Variants in AP1G1 observed in about 807,000 individuals in gnomAD.
AP1G1 encodes AP-1 complex subunit gamma-1.
In AP1G1, 7 loss-of-function variants were observed where a neutral mutation model predicts 108.3. That is an observed-to-expected ratio of 0.06 (90% CI 0.04 to 0.12). AP1G1 has a LOEUF of 0.12. Ranked by LOEUF, AP1G1 falls within the 10% of genes least tolerant of loss-of-function variation. The probability of loss-of-function intolerance (pLI) is 1.00; values close to 1 mark genes in which losing one functional copy is unlikely to be tolerated. For synonymous variants in AP1G1, 379 were observed against 353.5 expected (o/e 1.07, Z -0.81); for missense variants, 756 against 1,010.7 (o/e 0.75, Z 3.42).
At chr16:71,793,182 C>G (rs942216320) in intron 1 of AP1G1, among the ~76,000 whole-genome samples, 8 of 152,064 alleles carry the variant, frequency 5.3e-5, no homozygotes, top group African/African-American at 1.9e-4. Flanking sequence ...ACAGAAAAAG[C>G]AAACAAACAA....
At chr16:71,747,773 G>C (rs2030260912) in intron 16 of AP1G1, among the ~76,000 whole-genome samples, 1 of 151,984 alleles carries the variant, frequency 6.6e-6, no homozygotes, top group Non-Finnish European at 1.5e-5. Flanking sequence ...CTTGAGCCCA[G>C]GAGTTTGAGA....
chr16:71,779,752 T>C (rs1014394527), intron 2 of AP1G1, among the ~76,000 whole-genome samples: 15 of 152,160 alleles, frequency 9.9e-5, no homozygotes, highest in African/African-American at 3.6e-4. Flanking sequence ...AATGTTGCCA[T>C]TTATCAGTGT....
intron 19 of AP1G1, among the ~76,000 whole-genome samples, chr16:71,740,808 A>C (rs2045609924): frequency 6.6e-6 from 1 of 152,360 alleles, no homozygotes; most frequent in African/African-American, 2.4e-5. Context: ...GGAATCAAAA[A>C]GAAATGGGAT....
At chr16:71,787,672 A>G (rs2032255557) in intron 2 of AP1G1, among the ~76,000 whole-genome samples, 2 of 152,074 alleles carry the variant, frequency 1.3e-5, no homozygotes, top group South Asian at 4.1e-4. Context: ...AAATCAATCA[A>G]CCGATCAACA....
rs752805185 is a variant in AP1G1 at position 71,729,846 on chromosome 16, T to C, written c.*3212A>G. On this transcript the variant is annotated 3_prime_UTR_variant, in exon 23 of 23. Transcript: ENST00000299980. ...TTAAAATACATTCACTAGAAAAAAA[T>C]AGACACATTCAAACTCCTTTCCCCT... 1.2e-4 allele frequency: 18 copies of C among 152,672 alleles called. No homozygotes were observed. Among genetic ancestry groups the C allele is most frequent in the South Asian group, 4.1e-4 (2 of 4,826 alleles). The allele number at this position is 152,672 out of a possible 1,614,324, so 9.5% of individuals were successfully genotyped here.
chr16:71,745,135 C>T lies in AP1G1; in HGVS notation c.1999+9G>A, dbSNP rs774854708. The T allele has an allele frequency of 1.1e-5, 18 of 1,613,846 alleles. No individual in the cohort carries two copies. Among genetic ancestry groups the T allele is most frequent in the Non-Finnish European group, 1.1e-5 (13 of 1,180,012 alleles). On this transcript the variant is annotated intron_variant, in intron 19 of 22. Transcript: ENST00000299980. Reference sequence around the variant, plus strand: ...TTCCCAGGTATTAAATAGCTCCAGACTGCCTCACCTGTAAGGTTGATGTCT... The same window carrying T: ...TTCCCAGGTATTAAATAGCTCCAGATTGCCTCACCTGTAAGGTTGATGTCT...
intron 2 of AP1G1, among the ~76,000 whole-genome samples, chr16:71,787,624 T>C (rs540897557): frequency 6.6e-6 from 1 of 152,260 alleles, no homozygotes; most frequent in Non-Finnish European, 1.5e-5. Context: ...GCCCAATTTC[T>C]AATATATCAG....
rs377598913 is a variant in AP1G1 at position 71,785,798 on chromosome 16, C to T, written c.201+3481G>A. On this transcript the variant is annotated intron_variant, in intron 2 of 22. Transcript: ENST00000299980. ...TAGGGAGGCTGAGGAAGGAGAATGGCGTGAACCCAGGAGGCAGAGTTTGCA... is the reference window on the plus strand; with the variant it reads ...TAGGGAGGCTGAGGAAGGAGAATGGTGTGAACCCAGGAGGCAGAGTTTGCA... Among the ~76,000 whole-genome samples the T allele has an allele frequency of 4.1e-3, 626 of 152,024 alleles. 2 individuals are homozygous for T. Among genetic ancestry groups the T allele is most frequent in the Middle Eastern group, 0.014 (4 of 294 alleles).
chr16:71,732,298 G>A lies in AP1G1; in HGVS notation c.*760C>T, dbSNP rs1035573265. On this transcript the variant is annotated 3_prime_UTR_variant, in exon 23 of 23. Transcript: ENST00000299980. ...TAAAGAATGGCGAGAAAGGGGAGCT[G>A]GAAGAGCCTTGGAAGTTTCTATTAC... The A allele has an allele frequency of 2.0e-5, 3 of 152,650 alleles. No homozygotes were observed. Among genetic ancestry groups the A allele is most frequent in the African/African-American group, 7.2e-5 (3 of 41,466 alleles). The allele number at this position is 152,650 out of a possible 1,614,324, so 9.5% of individuals were successfully genotyped here. A position where few individuals can be genotyped will look rare whatever the true frequency, so the allele number is the denominator to read the frequency against.
At chr16:71,767,604 C>G (rs1197733891) in intron 6 of AP1G1, among the ~76,000 whole-genome samples, 1 of 152,018 alleles carries the variant, frequency 6.6e-6, no homozygotes, top group Non-Finnish European at 1.5e-5. Flanking sequence ...CTCAAAGTTT[C>G]TCAAGTAAAG....
At chr16:71,798,070 G>A (rs755127978) in intron 1 of AP1G1, among the ~76,000 whole-genome samples, 35 of 152,102 alleles carry the variant, frequency 2.3e-4, no homozygotes, top group African/African-American at 7.0e-4. Context: ...AAAAAACTAC[G>A]AAATCTATAA....
At chr16:71,801,469 A>T (rs2032798669) in intron 1 of AP1G1, among the ~76,000 whole-genome samples, 1 of 152,186 alleles carries the variant, frequency 6.6e-6, no homozygotes, top group Non-Finnish European at 1.5e-5. Context: ...TTGAAGCGTA[A>T]ATTCATTCAT....
rs557807990 is a variant in AP1G1 at position 71,757,438 on chromosome 16, ACTC to A, written c.1089-1282_1089-1280del. Among the ~76,000 whole-genome samples the A allele has an allele frequency of 2.5e-3, 370 of 145,402 alleles. 2 individuals carry two copies. The highest frequency in any genetic ancestry group is 9.0e-3 in the African/African-American group (351 of 38,920). On this transcript the variant is annotated intron_variant, in intron 11 of 22. Transcript: ENST00000299980. ...CACACTCCAGCCTGAGCGACACAAG[ACTC>A]CGTCTCCAAAAAAAAAAAAAAATTA...
intron 13 of AP1G1, chr16:71,753,561 G>A: frequency 2.4e-6 from 1 of 416,556 alleles, no homozygotes; most frequent in Non-Finnish European, 4.5e-6. Flanking sequence ...TGTCTCTTAG[G>A]TCTCTACTCA....
At chr16:71,785,617 G>A (rs922284229) in intron 2 of AP1G1, among the ~76,000 whole-genome samples, 9 of 150,038 alleles carry the variant, frequency 6.0e-5, no homozygotes, top group Non-Finnish European at 3.0e-5. Context: ...GGGAATGGTG[G>A]CTCACGCCTG....
chr16:71,793,098 G>A (rs955894862), intron 1 of AP1G1, among the ~76,000 whole-genome samples: 6 of 151,696 alleles, frequency 4.0e-5, no homozygotes, highest in Non-Finnish European at 5.9e-5. Flanking sequence ...GAGCCTAGGA[G>A]TGAGGCTGCA....
intron 1 of AP1G1, among the ~76,000 whole-genome samples, chr16:71,794,936 C>G (rs1344407765): frequency 1.5e-5 from 2 of 137,562 alleles, no homozygotes; most frequent in Non-Finnish European, 3.1e-5. Context: ...CTTGTTCACT[C>G]TTGTATCCTC....
rs186185599 is a variant in AP1G1, at chr16:71,786,633, G to C, written c.201+2646C>G. ...GCACCACCATGCCCAGCTAATTTTTGTATTTTTAGTAGAGAGGGGGTTCCA... is the reference window on the plus strand; with the variant it reads ...GCACCACCATGCCCAGCTAATTTTTCTATTTTTAGTAGAGAGGGGGTTCCA... On this transcript the variant is annotated intron_variant, in intron 2 of 22. Coordinates refer to ENST00000299980, the MANE Select transcript of AP1G1 (RefSeq NM_001128.6). 2.6e-3 allele frequency among the ~76,000 whole-genome samples: 389 copies of C among 152,172 alleles called. 2 individuals are homozygous for C. The highest frequency in any genetic ancestry group is 0.01 in the Middle Eastern group (3 of 294).
At position 71,750,193 on chromosome 16, in the gene AP1G1, T is replaced by C. The variant is rs2030411897; in HGVS notation, c.1407+17A>G. 6.2e-7 allele frequency: 1 copy of C among 1,610,448 alleles called. No homozygotes were observed. Reference sequence around the variant, plus strand: ...AGGGTAAAATTACCCCCTAAAATAGTTGAATGAAGTACTTACTTGAGAATA... The same window carrying C: ...AGGGTAAAATTACCCCCTAAAATAGCTGAATGAAGTACTTACTTGAGAATA... On this transcript the variant is annotated intron_variant, in intron 14 of 22. Coordinates refer to ENST00000299980, the MANE Select transcript of AP1G1 (RefSeq NM_001128.6).
Sources: allele counts gnomAD v4.1 joint callset (sites outside exome capture counted in the v4.1 genomes callset), GRCh38; gene constraint gnomAD v4.1.1; transcripts MANE v1.5; gene names NCBI Gene and HGNC (gene_info 2026-07-23, HGNC 2026-07-21).